Variants in USP47 observed in about 807,000 individuals in gnomAD.
USP47 encodes ubiquitin carboxyl-terminal hydrolase 47.
USP47 carries 35 observed loss-of-function variants against 165.1 expected under a neutral mutation model. That is an observed-to-expected ratio of 0.21 (90% CI 0.16 to 0.28). The LOEUF (loss-of-function observed/expected upper bound fraction) is 0.28. Ranked by LOEUF, USP47 falls within the 10% of genes least tolerant of loss-of-function variation. The pLI, the probability that USP47 is intolerant of heterozygous loss-of-function variation, is 1.00. For synonymous variants in USP47, 531 were observed against 544.5 expected (o/e 0.98, Z 0.35); for missense variants, 1,277 against 1,607.4 (o/e 0.79, Z 3.52).
chr11:11,875,403 A>T (rs950852093), intron 1 of USP47, among the ~76,000 whole-genome samples: 1 of 152,146 alleles, frequency 6.6e-6, no homozygotes, highest in African/African-American at 2.4e-5. Context: ...TGAGCTTAAA[A>T]CTATTGGGAA....
chr11:11,943,188 G>A, intron 20 of USP47, 76 bp downstream of exon 20: 2 of 1,475,138 alleles, frequency 1.4e-6, no homozygotes, highest in Non-Finnish European at 1.8e-6. Context: ...TTTCAGTTAA[G>A]TGTTAGGTAC....
chr11:11,945,466 T>G (rs536855661), intron 20 of USP47, among the ~76,000 whole-genome samples: 1 of 152,192 alleles, frequency 6.6e-6, no homozygotes, highest in Admixed American at 6.5e-5. Context: ...ATAGCAGTTA[T>G]AATCCAAGAG....
intron 11 of USP47, among the ~76,000 whole-genome samples, chr11:11,924,910 G>A (rs575786275): frequency 7.9e-5 from 12 of 151,998 alleles, no homozygotes; most frequent in African/African-American, 2.9e-4. Context: ...TTCTTCCAAA[G>A]GACCAGCTTT....
At chr11:11,911,419 A>G (rs1852974713) in intron 8 of USP47, among the ~76,000 whole-genome samples, 1 of 152,182 alleles carries the variant, frequency 6.6e-6, no homozygotes, top group African/African-American at 2.4e-5. Flanking sequence ...TAGCTGAGCA[A>G]ACCCCAAACA....
chr11:11,950,517 A>G lies in USP47; in HGVS notation c.3583+35A>G. 2.2e-6 allele frequency: 3 copies of G among 1,383,042 alleles called. No homozygotes were observed. In the South Asian group the frequency reaches 3.7e-5, roughly 17 times the overall value. The allele number at this position is 1,383,042 out of a possible 1,614,324, so 85.7% of individuals were successfully genotyped here. Reference sequence around the variant, plus strand: ...ATATTTTTGGGGGGAAGTATCAGTTAGAAATACTCTAGAACTAATAGAAGC... The same window carrying G: ...ATATTTTTGGGGGGAAGTATCAGTTGGAAATACTCTAGAACTAATAGAAGC... On this transcript the variant is annotated intron_variant, in intron 24 of 27. Transcript: ENST00000527733.
At chr11:11,947,586 T>C (rs77280853) in intron 20 of USP47, among the ~76,000 whole-genome samples, 2,864 of 152,278 alleles carry the variant, frequency 0.019, 68 homozygotes, top group African/African-American at 0.055. Context: ...GTGTCCCATA[T>C]AGTAAGTAAG....
intron 22 of USP47, among the ~76,000 whole-genome samples, chr11:11,949,292 A>C (rs986147580): frequency 6.6e-6 from 1 of 152,136 alleles, no homozygotes; most frequent in African/African-American, 2.4e-5. Context: ...TATTTTCAGA[A>C]TGTTATAACA....
At chr11:11,842,377 G>A (rs1848175486) in intron 1 of USP47, among the ~76,000 whole-genome samples, 153 bp downstream of exon 1, 1 of 152,156 alleles carries the variant, frequency 6.6e-6, no homozygotes, top group African/African-American at 2.4e-5. Context: ...GACGGTGGGT[G>A]CGGCGAGCAG....
At chr11:11,938,199 T>TTCATTAAATAA in intron 17 of USP47, 58 bp from the exon 18 acceptor site, 2 of 1,463,124 alleles carry the variant, frequency 1.4e-6, no homozygotes, top group African/African-American at 2.8e-5. Context: ...GCATTACTCA[T>TTCATTAAATAA]GTGAAATACA....
chr11:11,937,022 A>G (rs1378002835), intron 17 of USP47, among the ~76,000 whole-genome samples: 2 of 151,702 alleles, frequency 1.3e-5, no homozygotes, highest in African/African-American at 4.8e-5. Flanking sequence ...GGTCCCAGGG[A>G]CTTCATCTTT....
intron 8 of USP47, among the ~76,000 whole-genome samples, chr11:11,909,589 A>G (rs1852814594): frequency 6.6e-6 from 1 of 152,150 alleles, no homozygotes; most frequent in Admixed American, 6.6e-5. Context: ...GTATTTTGTC[A>G]TACAACATTT....
chr11:11,938,249 T>C lies in USP47; in HGVS notation c.2078-8T>C. The C allele has an allele frequency of 2.5e-6, 4 of 1,608,736 alleles. No homozygotes were observed. Among genetic ancestry groups the C allele is most frequent in the Non-Finnish European group, 3.4e-6 (4 of 1,175,906 alleles). On this transcript the variant is annotated splice_polypyrimidine_tract_variant and splice_region_variant and intron_variant, in intron 17 of 27. Transcript: ENST00000527733. The stretch of plus-strand genomic sequence containing the variant: ...CCAATTCTGTGTTTATGTCTTCAAA[T>C]GTGACAGAAGTGATGGTGAAAGTTC...
At chr11:11,853,037 A>G (rs1848813797) in intron 1 of USP47, among the ~76,000 whole-genome samples, 2 of 151,578 alleles carry the variant, frequency 1.3e-5, no homozygotes, top group Non-Finnish European at 1.5e-5. Flanking sequence ...CCTATCTTCT[A>G]TTTTCTCTTT....
chr11:11,942,236 A>G (rs1485409922), intron 19 of USP47, 99 bp from the exon 20 acceptor site: 24 of 1,304,738 alleles, frequency 1.8e-5, no homozygotes, highest in Non-Finnish European at 2.4e-5. Context: ...ATGTTATAAC[A>G]TAACTGTGTA....
intron 1 of USP47, among the ~76,000 whole-genome samples, chr11:11,868,568 T>G (rs1849831799): frequency 1.3e-5 from 2 of 152,230 alleles, no homozygotes; most frequent in African/African-American, 4.8e-5. Context: ...TTTGCAGTTT[T>G]GGGCTGTTGT....
chr11:11,903,369 G>A, intron 7 of USP47, 27 bp downstream of exon 7: 2 of 1,587,812 alleles, frequency 1.3e-6, no homozygotes, highest in Middle Eastern at 1.7e-4. Flanking sequence ...AAATCAAGGG[G>A]ACTGTTTCCT....
intron 1 of USP47, among the ~76,000 whole-genome samples, chr11:11,852,420 G>A (rs542906785): frequency 6.6e-6 from 1 of 152,048 alleles, no homozygotes; most frequent in African/African-American, 2.4e-5. Context: ...TTGCCAGGGG[G>A]TGCTTTTTCT....
chr11:11,915,423 C>T (rs1379426299), intron 8 of USP47, among the ~76,000 whole-genome samples: 1 of 151,970 alleles, frequency 6.6e-6, no homozygotes, highest in Non-Finnish European at 1.5e-5. Context: ...AGTCTTTTGA[C>T]GGGTGTTGAA....
intron 8 of USP47, among the ~76,000 whole-genome samples, chr11:11,906,014 T>A (rs7124866): frequency 0.016 from 2,471 of 152,194 alleles, 66 homozygotes; most frequent in African/African-American, 0.051. Flanking sequence ...TTTAAATATT[T>A]AGTTTAAAAA....
Sources: gnomAD v4.1 joint callset for allele counts (sites outside exome capture counted in the v4.1 genomes callset) on GRCh38, gnomAD v4.1.1 for gene constraint, MANE v1.5 for transcripts, NCBI Gene and HGNC (gene_info 2026-07-23, HGNC 2026-07-21) for gene names.